Variants in GBP4 observed in about 807,000 individuals in gnomAD.
GBP4 encodes the protein guanylate binding protein 4.
A neutral mutation model predicts 62.2 loss-of-function variants in GBP4; 69 were observed. The observed-to-expected ratio is 1.11, with a 90% CI of 0.91 to 1.36. The LOEUF is 1.36. Ranked by LOEUF, GBP4 falls within the 40% of genes most tolerant of loss-of-function variation. The probability of loss-of-function intolerance (pLI) is 0.00; values close to 1 mark genes in which losing one functional copy is unlikely to be tolerated. For synonymous variants in GBP4, 278 were observed against 274.6 expected (o/e 1.01, Z -0.12); for missense variants, 697 against 759.3 (o/e 0.92, Z 0.96).
intron 7 of GBP4, 80 bp downstream of exon 7, chr1:89,189,958 T>G: frequency 1.4e-6 from 2 of 1,385,860 alleles, no homozygotes; most frequent in Non-Finnish European, 2.0e-6. Flanking sequence ...GGTAAGGAGA[T>G]GAACCATGGG....
At position 89,182,325 on chromosome 1, in the gene GBP4, A is replaced by C. The variant is rs1024127758; in HGVS notation, c.*2929T>G. The stretch of plus-strand genomic sequence containing the variant: ...TCACAACACTAAAGATTTCACATGA[A>C]AGGGTCATGATTGATTTGAGCAAAC... On this transcript the variant is annotated 3_prime_UTR_variant, in exon 11 of 11. Transcript: ENST00000355754. The C allele has an allele frequency of 8.5e-5, 13 of 152,132 alleles. No individual in the cohort carries two copies. The highest frequency in any genetic ancestry group is 2.2e-4 in the African/African-American group (9 of 41,414). 9.4% of individuals were successfully genotyped at this position (152,132 alleles called of 1,614,324 possible).
At chr1:89,192,483 T>C (rs879593920) in intron 5 of GBP4, among the ~76,000 whole-genome samples, 2 of 152,190 alleles carry the variant, frequency 1.3e-5, no homozygotes, top group Non-Finnish European at 2.9e-5. Flanking sequence ...ACTTCCAAAG[T>C]TAGATCATTT....
Position 89,184,074 on chromosome 1 carries a change from C to T in GBP4, c.*1180G>A, listed in dbSNP as rs1647963575. 6.6e-6 allele frequency: 1 copy of T among 152,114 alleles called. No individual in the cohort carries two copies. Among genetic ancestry groups the T allele is most frequent in the African/African-American group, 2.4e-5 (1 of 41,420 alleles). The allele number at this position is 152,114 out of a possible 1,614,324, so 9.4% of individuals were successfully genotyped here. A position where few individuals can be genotyped will look rare whatever the true frequency, so the allele number is the denominator to read the frequency against. On this transcript the variant is annotated 3_prime_UTR_variant, in exon 11 of 11. Transcript: ENST00000355754. ...GTGGGCAAAGAACATGAACACATTTCAAAAGAAGACATATATGCATTTAAA... is the reference window on the plus strand; with the variant it reads ...GTGGGCAAAGAACATGAACACATTTTAAAAGAAGACATATATGCATTTAAA...
chr1:89,186,487 T>G lies in GBP4; in HGVS notation c.1553A>C (p.Glu518Ala). 6 of 1,614,178 alleles carry G rather than the reference T, an allele frequency of 3.7e-6. No homozygotes were observed. The highest frequency in any genetic ancestry group is 5.1e-6 in the Non-Finnish European group (6 of 1,180,038). ...CTCCTTCTGTTTTTCTCTTAGCAGC[T>G]CCTGTTCCTTCTCAGCTGCTTCCTT... is the stretch of plus-strand genomic sequence containing the variant. ...AMKEAAEKEQ[E>A]LLREKQKEQQ... Residue 518 changes from glutamate to alanine, a missense_variant, in exon 10 of 11, where the codon GAG becomes GCG. This residue lies in a region of GBP4 where 141 missense variants were observed against 196.6 expected (regional missense o/e 0.72). Coordinates refer to ENST00000355754, the MANE Select transcript of GBP4 (RefSeq NM_052941.5).
At position 89,184,242 on chromosome 1, in the gene GBP4, G is replaced by T. The variant is rs577613334; in HGVS notation, c.*1012C>A. ...AGAAAATGGAACACATACACTGTTG[G>T]TGGGAGTGTAAATTAGTTTAGCCAC... On this transcript the variant is annotated 3_prime_UTR_variant, in exon 11 of 11. Transcript: ENST00000355754. 2.0e-5 allele frequency: 3 copies of T among 152,196 alleles called. No individual in the cohort carries two copies. Among genetic ancestry groups the T allele is most frequent in the Non-Finnish European group, 2.9e-5 (2 of 68,044 alleles). The allele number at this position is 152,196 out of a possible 1,614,324, so 9.4% of individuals were successfully genotyped here. A position where few individuals can be genotyped will look rare whatever the true frequency, so the allele number is the denominator to read the frequency against.
chr1:89,186,423 C>T lies in GBP4; in HGVS notation c.1617G>A (p.Gln539=). The change falls in exon 10 of 11, where the codon CAG becomes CAA. Residue 539 remains glutamine, a synonymous_variant. Transcript: ENST00000355754. ...TCTTCTCCATTTGGGCCATGTATTC[C>T]TGGAAGCTTCTCTCTTGAGCCTCCA... ...QMMEAQERSF[Q]EYMAQMEKKL... is the part of the protein sequence containing the mutation. 6.5e-7 allele frequency: 1 copy of T among 1,544,396 alleles called. No individual in the cohort carries two copies. The highest frequency in any genetic ancestry group is 9.0e-7 in the Non-Finnish European group (1 of 1,114,802).
intron 3 of GBP4, among the ~76,000 whole-genome samples, chr1:89,193,955 T>A (rs1444109909): frequency 6.6e-6 from 1 of 151,910 alleles, no homozygotes; most frequent in Admixed American, 6.6e-5. Context: ...ATAAAACAAA[T>A]AAAAAGAAGG....
rs1353452805 is a variant in GBP4, at chr1:89,198,803, G to A, written c.32C>T (p.Pro11Leu). ...CTTAAGAGCAAACTTACCTGGTGTG[G>A]GCACTGCAGCGTGAAGAGTTCTCTC... MGERTLHAAV[P>L]TPGYPESESI... Residue 11 changes from proline (P) to leucine (L), a missense_variant, in exon 1 of 11, where the codon CCC (proline) becomes CTC (leucine). Around this residue, in one of 2 missense-constraint regions of GBP4, gnomAD observed 556 missense variants for 562.7 expected, o/e 0.99. Coordinates refer to ENST00000355754, the MANE Select transcript of GBP4 (RefSeq NM_052941.5). 3 of 1,613,480 alleles carry A rather than the reference G, an allele frequency of 1.9e-6. No individual in the cohort carries two copies. Among genetic ancestry groups the A allele is most frequent in the Non-Finnish European group, 2.5e-6 (3 of 1,179,522 alleles).
intron 2 of GBP4, 139 bp downstream of exon 2, chr1:89,196,971 T>C: frequency 1.7e-6 from 1 of 592,678 alleles, no homozygotes; most frequent in South Asian, 2.8e-5. Context: ...TTTGAGATTG[T>C]AAATTTAGTG....
intron 2 of GBP4, among the ~76,000 whole-genome samples, 172 bp downstream of exon 2, chr1:89,196,938 A>G (rs1557477131): frequency 6.6e-6 from 1 of 152,218 alleles, no homozygotes; most frequent in South Asian, 2.1e-4. Flanking sequence ...ATTCTTTACT[A>G]TTGGACTAAA....
intron 2 of GBP4, among the ~76,000 whole-genome samples, chr1:89,196,542 A>T (rs1303071348): frequency 6.6e-6 from 1 of 152,194 alleles, no homozygotes; most frequent in African/African-American, 2.4e-5. Flanking sequence ...GTGATTTCTC[A>T]TGTATTCACT....
At chr1:89,194,037 C>A (rs1310816180) in intron 3 of GBP4, among the ~76,000 whole-genome samples, 1 of 152,148 alleles carries the variant, frequency 6.6e-6, no homozygotes, top group Non-Finnish European at 1.5e-5. Flanking sequence ...GTTTGACAGG[C>A]ATATGAAGGC....
rs1254290744 is a variant in GBP4, at chr1:89,185,480, G to A, written c.1708-11C>T. ...CATTTCTTCTTGTACCTATAAAAGG[G>A]AAATAGTCCACTTTTGAAAATCTCC... On this transcript the variant is annotated splice_polypyrimidine_tract_variant and intron_variant, in intron 10 of 10. Coordinates refer to ENST00000355754, the MANE Select transcript of GBP4 (RefSeq NM_052941.5). 7.3e-7 allele frequency: 1 copy of A among 1,369,506 alleles called. No individual in the cohort carries two copies. The highest frequency in any genetic ancestry group is 1.0e-6 in the Non-Finnish European group (1 of 971,456). The allele number at this position is 1,369,506 out of a possible 1,614,324, so 84.8% of individuals were successfully genotyped here. A position where few individuals can be genotyped will look rare whatever the true frequency, so the allele number is the denominator to read the frequency against.
chr1:89,197,830 T>C (rs912805536), intron 1 of GBP4, among the ~76,000 whole-genome samples: 9 of 152,144 alleles, frequency 5.9e-5, no homozygotes, highest in African/African-American at 1.9e-4. Flanking sequence ...AGGAACATAA[T>C]TGATACAAAC....
At chr1:89,189,765 A>G (rs1570374130) in intron 7 of GBP4, among the ~76,000 whole-genome samples, 1 of 152,154 alleles carries the variant, frequency 6.6e-6, no homozygotes, top group Non-Finnish European at 1.5e-5. Context: ...GTACCCAGAC[A>G]CCCTGATAAG....
chr1:89,185,807 A>T (rs907575298), intron 10 of GBP4, among the ~76,000 whole-genome samples: 1 of 152,230 alleles, frequency 6.6e-6, no homozygotes, highest in Non-Finnish European at 1.5e-5. Flanking sequence ...TCTAGCAAAT[A>T]ACGGGGGACT....
chr1:89,190,228 A>G lies in GBP4; in HGVS notation c.1007T>C (p.Leu336Pro), dbSNP rs145816730. The G allele has an allele frequency of 8.9e-5, 143 of 1,614,150 alleles. No individual in the cohort carries two copies. The highest frequency in any genetic ancestry group is 4.9e-4 in the Middle Eastern group (3 of 6,062). Reference sequence around the variant, plus strand: ...CCTCTGCACAGCCGCTGGGTTCTCAAGCTGGGCCAGTGCTGTCACTGCATT... The same window carrying G: ...CCTCTGCACAGCCGCTGGGTTCTCAGGCTGGGCCAGTGCTGTCACTGCATT... The part of the protein sequence containing the change: ...LENAVTALAQ[L>P]ENPAAVQRAA... Residue 336 changes from leucine (L) to proline (P), a missense_variant, in exon 7 of 11, where the codon CTT becomes CCT. Around this residue, in one of 2 missense-constraint regions of GBP4, gnomAD observed 556 missense variants for 562.7 expected, o/e 0.99. Coordinates refer to ENST00000355754, the MANE Select transcript of GBP4 (RefSeq NM_052941.5).
intron 2 of GBP4, 78 bp from the exon 3 acceptor site, chr1:89,195,502 T>A: frequency 1.3e-6 from 2 of 1,540,658 alleles, no homozygotes; most frequent in South Asian, 2.3e-5. Context: ...GTTAAACTTG[T>A]AGGAATGTTT....
At chr1:89,198,314 G>A (rs747680813) in intron 1 of GBP4, among the ~76,000 whole-genome samples, 11 of 152,044 alleles carry the variant, frequency 7.2e-5, no homozygotes, top group Non-Finnish European at 1.5e-4. Flanking sequence ...AAGTCCCTGA[G>A]GAAGCGGGTG....
Sources: gnomAD v4.1 joint callset for allele counts (sites outside exome capture counted in the v4.1 genomes callset) on GRCh38, gnomAD v4.1.1 for gene constraint, gnomAD v4.1.1 regional missense constraint, MANE v1.5 for transcripts, NCBI Gene and HGNC (gene_info 2026-07-23, HGNC 2026-07-21) for gene names.